The following PPP2R5C variants were observed in gnomAD, a reference collection of about 807,000 sequenced individuals.
The protein encoded by PPP2R5C is serine/threonine-protein phosphatase 2A 56 kDa regulatory subunit gamma isoform.
PPP2R5C carries 7 observed loss-of-function variants against 68.9 expected under a neutral mutation model. The ratio of observed to expected loss-of-function variants is 0.10; its 90% CI spans 0.06 to 0.19. The LOEUF is 0.19. Ranked by LOEUF, PPP2R5C falls within the 10% of genes least tolerant of loss-of-function variation. The pLI is 1.00. For synonymous variants in PPP2R5C, 210 were observed against 222.2 expected (o/e 0.95, Z 0.49); for missense variants, 348 against 641.3 (o/e 0.54, Z 4.94).
intron 4 of PPP2R5C, 22 bp from the exon 7 acceptor site, chr14:101,883,410 A>G (rs773454565): frequency 2.6e-5 from 42 of 1,612,284 alleles, no homozygotes; most frequent in Non-Finnish European, 1.7e-6. Context: ...CCCAGCCACT[A>G]AGTGTCTTTT....
At position 101,761,898 on chromosome 14, in the gene PPP2R5C, C is replaced by T; in HGVS notation, c.5C>T (p.Pro2Leu). 2 of 1,173,968 alleles carry T rather than the reference C, an allele frequency of 1.7e-6. No homozygotes were observed. Among genetic ancestry groups the T allele is most frequent in the Non-Finnish European group, 2.1e-6 (2 of 942,038 alleles). The allele number at this position is 1,173,968 out of a possible 1,614,324, so 72.7% of individuals were successfully genotyped here. A position where few individuals can be genotyped will look rare whatever the true frequency, so the allele number is the denominator to read the frequency against. Reference sequence around the variant, plus strand: ...CGGCGGCGGCCCGCTCCAGCCATGCCGAATAAAAACAAGAAGGAGAAAGTG... The same window carrying T: ...CGGCGGCGGCCCGCTCCAGCCATGCTGAATAAAAACAAGAAGGAGAAAGTG... Residue 2 changes from proline to leucine, a missense_variant, in exon 1 of 15, where the codon CCG (proline) becomes CTG (leucine). Transcript: ENST00000328724.
chr14:101,811,063 C>T (rs772104317), intron 1 of PPP2R5C, among the ~76,000 whole-genome samples: 2 of 152,172 alleles, frequency 1.3e-5, no homozygotes, highest in African/African-American at 2.4e-5. Flanking sequence ...ATGACTAAAA[C>T]GCCAGGCCAG....
intron 6 of PPP2R5C, among the ~76,000 whole-genome samples, chr14:101,890,623 AAAG>A (rs1238619278): frequency 3.3e-5 from 5 of 152,198 alleles, no homozygotes; most frequent in Non-Finnish European, 7.3e-5. Context: ...TAGAAGCTTG[AAAG>A]AAGAATAGAT....
chr14:101,870,342 G>A (rs1010061681), intron 2 of PPP2R5C, among the ~76,000 whole-genome samples: 5 of 152,054 alleles, frequency 3.3e-5, no homozygotes, highest in South Asian at 2.1e-4. Context: ...TTACATGTAG[G>A]TCTGTGATCC....
upstream of PPP2R5C, chr14:101,760,740 C>A: frequency 2.3e-6 from 1 of 433,440 alleles, no homozygotes. Flanking sequence ...AGGGGAGGGG[C>A]TGGTCGAGGG....
chr14:101,906,327 C>T lies in PPP2R5C; in HGVS notation c.1024-75C>T. 3 of 1,461,006 alleles carry T rather than the reference C, an allele frequency of 2.1e-6. No individual in the cohort carries two copies. Among genetic ancestry groups the T allele is most frequent in the South Asian group, 2.9e-5 (2 of 68,348 alleles). The allele number at this position is 1,461,006 out of a possible 1,614,324, so 90.5% of individuals were successfully genotyped here. A position where few individuals can be genotyped will look rare whatever the true frequency, so the allele number is the denominator to read the frequency against. ...CCAAGGTAGTTCATTACCCGACTCA[C>T]AGGTTTAACAGCAAGGACAGCCACC... On this transcript the variant is annotated intron_variant, in intron 9 of 13. Coordinates refer to ENST00000334743, the Ensembl canonical transcript of PPP2R5C. The surrounding 1 kb of genome is among the most constrained non-coding windows in gnomAD (Gnocchi z 4.0).
In PPP2R5C at chr14:101,816,902, A is replaced by ATT. The variant is rs2039733026; in HGVS notation, c.94+6867_94+6868insTT. On this transcript the variant is annotated intron_variant, in intron 1 of 13. Coordinates refer to ENST00000334743, the Ensembl canonical transcript of PPP2R5C. ...TATATTATATATATATTATATAAAT[A>ATT]TATATATAATATATATATTTATATA... Among the ~76,000 whole-genome samples the ATT allele has an allele frequency of 2.4e-5, 3 of 124,572 alleles. No homozygotes were observed. The South Asian group carries it at 6.6e-4, about 27-fold the overall frequency. 81.7% of individuals were successfully genotyped at this position (124,572 alleles called of 152,430 possible). A position where few individuals can be genotyped will look rare whatever the true frequency, so the allele number is the denominator to read the frequency against.
intron 2 of PPP2R5C, among the ~76,000 whole-genome samples, chr14:101,859,958 T>C (rs1027836908): frequency 6.6e-6 from 1 of 152,090 alleles, no homozygotes; most frequent in Non-Finnish European, 1.5e-5. Context: ...GTTGTTGTAC[T>C]CCTGATGCTG....
intron 1 of PPP2R5C, among the ~76,000 whole-genome samples, chr14:101,847,990 G>C (rs1472023474): frequency 3.3e-5 from 5 of 152,130 alleles, no homozygotes; most frequent in African/African-American, 1.2e-4. Flanking sequence ...CCGGCCTTGA[G>C]ACTTTAGTTC....
chr14:101,836,525 A>C, intron 1 of PPP2R5C: 1 of 582,876 alleles, frequency 1.7e-6, no homozygotes, highest in Non-Finnish European at 3.1e-6. Context: ...TTTTCAAAAT[A>C]TTGTTTAGAC....
At chr14:101,845,951 C>T (rs2041802167) in intron 1 of PPP2R5C, among the ~76,000 whole-genome samples, 2 of 152,278 alleles carry the variant, frequency 1.3e-5, no homozygotes, top group Middle Eastern at 3.4e-3. Flanking sequence ...CAAATTTATA[C>T]CCAAATGAAG....
At position 101,873,815 on chromosome 14, in the gene PPP2R5C, A is replaced by G. The variant is rs1357582208; in HGVS notation, c.295-8346A>G. Among the ~76,000 whole-genome samples the G allele has an allele frequency of 2.0e-5, 3 of 152,130 alleles. No homozygotes were observed. The East Asian group carries it at 5.8e-4, about 29-fold the overall frequency. On this transcript the variant is annotated intron_variant, in intron 2 of 13. Transcript: ENST00000334743. Reference sequence around the variant, plus strand: ...TTCTTTCTGCCTATACTACAACCTAAAAATCTATCAAGGCAGGAGCCTGGG... The same window carrying G: ...TTCTTTCTGCCTATACTACAACCTAGAAATCTATCAAGGCAGGAGCCTGGG...
At chr14:101,834,684 G>A (rs2040969304) in intron 1 of PPP2R5C, among the ~76,000 whole-genome samples, 1 of 152,212 alleles carries the variant, frequency 6.6e-6, no homozygotes. Context: ...TCATACTGAG[G>A]ATTTATTAAG....
At chr14:101,849,125 A>G (rs183574809) in intron 1 of PPP2R5C, among the ~76,000 whole-genome samples, 55 of 152,334 alleles carry the variant, frequency 3.6e-4, no homozygotes, top group Admixed American at 9.8e-4. Flanking sequence ...AATGTTACAT[A>G]GACTGCATTT....
intron 2 of PPP2R5C, among the ~76,000 whole-genome samples, chr14:101,862,071 C>T (rs1235158622): frequency 6.6e-6 from 1 of 152,142 alleles, no homozygotes; most frequent in African/African-American, 2.4e-5. Context: ...CACCACCATA[C>T]CCAGCTGATT....
At chr14:101,878,038 G>T (rs754242426) in intron 2 of PPP2R5C, among the ~76,000 whole-genome samples, 1 of 152,208 alleles carries the variant, frequency 6.6e-6, no homozygotes, top group Non-Finnish European at 1.5e-5. Flanking sequence ...GTGTAGCAGG[G>T]TTTGTTCCCT....
At position 101,797,954 on chromosome 14, in the gene PPP2R5C, G is replaced by A. The variant is rs1303042364; in HGVS notation, c.259+11771G>A. On this transcript the variant is annotated intron_variant, in intron 3 of 14. Transcript: ENST00000328724. This position sits in a 1 kb window ranked among gnomAD's most constrained non-coding sequence, Gnocchi z 4.2. The stretch of plus-strand genomic sequence containing the variant: ...ATCACTCCCAGGCCTCGCTCACACA[G>A]CAACAAGTGCCTGTCCCTGTGTCCT... Among the ~76,000 whole-genome samples, 2 of 152,098 alleles carry A rather than the reference G, an allele frequency of 1.3e-5. No individual in the cohort carries two copies. The highest frequency in any genetic ancestry group is 4.8e-5 in the African/African-American group (2 of 41,398).
chr14:101,920,611 A>C (rs1486835336), intron 13 of PPP2R5C, among the ~76,000 whole-genome samples: 1 of 152,246 alleles, frequency 6.6e-6, no homozygotes, highest in Non-Finnish European at 1.5e-5. Context: ...CGTGCTCTCC[A>C]TTAGAATCTC....
At chr14:101,828,153 C>T (rs983241714) in intron 1 of PPP2R5C, among the ~76,000 whole-genome samples, 10 of 152,088 alleles carry the variant, frequency 6.6e-5, no homozygotes, top group Non-Finnish European at 1.5e-4. Context: ...CCTCAAAGCC[C>T]ATTTTTTTAT....
Sources: gnomAD v4.1 joint callset for allele counts (sites outside exome capture counted in the v4.1 genomes callset) on GRCh38, gnomAD v4.1.1 for gene constraint, Gnocchi (gnomAD v3.1) non-coding constraint, MANE v1.5 for transcripts, NCBI Gene and HGNC (gene_info 2026-07-23, HGNC 2026-07-21) for gene names.